Variants in MYH15 observed in about 807,000 individuals in gnomAD.
MYH15 encodes myosin-15.
Under a neutral mutation model 240.5 loss-of-function variants are expected in MYH15, and 227 were observed. That is an observed-to-expected ratio of 0.94 (90% CI 0.85 to 1.05). The LOEUF (loss-of-function observed/expected upper bound fraction) is 1.05, where lower values mean the gene tolerates loss of function less well. MYH15 is among the 50% of genes least tolerant of loss of function. MYH15 has a pLI of 0.00. For missense variants in MYH15, 2,217 were observed against 2,247.5 expected (o/e 0.99, Z 0.27); for synonymous variants, 785 against 796.7 (o/e 0.99, Z 0.25).
intron 11 of MYH15, among the ~76,000 whole-genome samples, chr3:108,480,297 G>A (rs1219145853): frequency 6.6e-6 from 1 of 152,158 alleles, no homozygotes; most frequent in Non-Finnish European, 1.5e-5. Context: ...TGAACAGCAC[G>A]ACTTGAAGCC....
At chr3:108,462,831 A>G (rs1456323984) in intron 16 of MYH15, among the ~76,000 whole-genome samples, 1 of 152,100 alleles carries the variant, frequency 6.6e-6, no homozygotes, top group Non-Finnish European at 1.5e-5. Flanking sequence ...TTGCCCCAAA[A>G]TCATTCATCA....
chr3:108,444,269 A>G (rs1442306266), intron 22 of MYH15, among the ~76,000 whole-genome samples: 1 of 152,164 alleles, frequency 6.6e-6, no homozygotes, highest in Non-Finnish European at 1.5e-5. Flanking sequence ...AGCACACTGC[A>G]GCATTCCTGA....
At chr3:108,449,571 A>G (rs1336703099) in intron 21 of MYH15, among the ~76,000 whole-genome samples, 1 of 152,092 alleles carries the variant, frequency 6.6e-6, no homozygotes, top group African/African-American at 2.4e-5. Context: ...CACACCATAT[A>G]CAAATATGAA....
In MYH15 at chr3:108,416,901, C is replaced by T; in HGVS notation, c.3859G>A (p.Glu1287Lys). Residue 1287 changes from glutamate to lysine, a missense_variant, in exon 29 of 41, where the codon GAG becomes AAG. Coordinates refer to ENST00000693548, the MANE Select transcript of MYH15 (RefSeq NM_014981.3). ...CTGGAAAGTTGGTTTATCAGAGCCTCCTTCTCTTCAAGCCTCCGTAGGAAC... is the reference window on the plus strand; with the variant it reads ...CTGGAAAGTTGGTTTATCAGAGCCTTCTTCTCTTCAAGCCTCCGTAGGAAC... Reference protein sequence around the residue: ...GEFLRRLEEKEALINQLSREK... With the variant: ...GEFLRRLEEKKALINQLSREK... 6.2e-7 allele frequency: 1 copy of T among 1,613,990 alleles called. No homozygotes were observed. The highest frequency in any genetic ancestry group is 8.5e-7 in the Non-Finnish European group (1 of 1,179,906).
At chr3:108,460,223 T>A (rs1314079406) in intron 17 of MYH15, 77 bp downstream of exon 17, 16 of 1,229,784 alleles carry the variant, frequency 1.3e-5, no homozygotes, top group South Asian at 1.5e-5. Flanking sequence ...TATTTGAAGA[T>A]GTGAAATGTC....
At chr3:108,421,297 C>G (rs2082682032) in intron 27 of MYH15, 83 bp from the exon 28 acceptor site, 1 of 1,501,596 alleles carries the variant, frequency 6.7e-7, no homozygotes, top group African/African-American at 1.4e-5. Flanking sequence ...GGAGGAGTGG[C>G]TCCAGGGATC....
intron 27 of MYH15, 109 bp from the exon 28 acceptor site, chr3:108,421,323 G>A (rs1302707350): frequency 2.4e-6 from 3 of 1,242,942 alleles, no homozygotes; most frequent in Non-Finnish European, 3.4e-6. Flanking sequence ...GCTCTCTTCT[G>A]TAGTAAAGAG....
intron 1 of MYH15, chr3:108,529,179 C>A: frequency 1.5e-6 from 2 of 1,330,272 alleles, no homozygotes; most frequent in Admixed American, 1.9e-5. Context: ...TTAAGACCAT[C>A]AAGAATAAAA....
intron 31 of MYH15, 44 bp downstream of exon 31, chr3:108,410,539 G>T: frequency 7.0e-7 from 1 of 1,432,542 alleles, no homozygotes; most frequent in South Asian, 1.4e-5. Context: ...GGCTCTTCCT[G>T]AGCTACCCGC....
chr3:108,472,525 G>A (rs1433948069), intron 12 of MYH15, among the ~76,000 whole-genome samples: 2 of 152,150 alleles, frequency 1.3e-5, no homozygotes, highest in South Asian at 2.1e-4. Flanking sequence ...GAGCACACAC[G>A]TACAAATAAA....
intron 28 of MYH15, among the ~76,000 whole-genome samples, chr3:108,420,184 C>G (rs927063366): frequency 1.3e-5 from 2 of 152,114 alleles, no homozygotes; most frequent in African/African-American, 4.8e-5. Flanking sequence ...GGACATTTTT[C>G]TACTTTTAAT....
intron 7 of MYH15, 89 bp from the exon 8 acceptor site, chr3:108,493,266 C>A: frequency 1.2e-6 from 1 of 859,036 alleles, no homozygotes; most frequent in Non-Finnish European, 1.9e-6. Flanking sequence ...TTATATGTAA[C>A]TCTCAAAAGG....
intron 28 of MYH15, among the ~76,000 whole-genome samples, chr3:108,418,542 T>C (rs149659444): frequency 1.4e-3 from 212 of 152,224 alleles, no homozygotes; most frequent in African/African-American, 4.8e-3. Context: ...TATACTAAAA[T>C]AGCTTCAACC....
intron 32 of MYH15, among the ~76,000 whole-genome samples, chr3:108,406,187 A>G (rs1410763402): frequency 2.1e-5 from 3 of 144,368 alleles, no homozygotes; most frequent in Non-Finnish European, 4.7e-5. Flanking sequence ...AAATGTATAT[A>G]AAAGAAGAAA....
chr3:108,491,602 C>A (rs1560423828), intron 9 of MYH15, among the ~76,000 whole-genome samples: 1 of 152,072 alleles, frequency 6.6e-6, no homozygotes. Flanking sequence ...CATTTGCAAT[C>A]CCTTCCATCC....
chr3:108,541,123 C>A, the MYH15 span, among the ~76,000 whole-genome samples: 1 of 151,748 alleles, frequency 6.6e-6, no homozygotes, highest in Non-Finnish European at 1.5e-5. Flanking sequence ...TCAATTCTTC[C>A]TAATCTAAAA....
the MYH15 span, among the ~76,000 whole-genome samples, chr3:108,540,781 G>A: frequency 5.9e-5 from 9 of 151,896 alleles, no homozygotes; most frequent in Non-Finnish European, 1.2e-4. Context: ...AAAATGATCT[G>A]GATAAGAGAA....
intron 32 of MYH15, 72 bp from the exon 33 acceptor site, chr3:108,405,525 T>C: frequency 1.0e-6 from 1 of 960,374 alleles, no homozygotes; most frequent in Non-Finnish European, 1.5e-6. Flanking sequence ...ACCCAAAACA[T>C]ATGTCGCTAA....
chr3:108,428,549 G>C lies in MYH15; in HGVS notation c.3645C>G (p.Asp1215Glu). 1 of 1,614,096 alleles carries C rather than the reference G, an allele frequency of 6.2e-7. No individual in the cohort carries two copies. Among genetic ancestry groups the C allele is most frequent in the Non-Finnish European group, 8.5e-7 (1 of 1,180,036 alleles). Residue 1215 changes from aspartate to glutamate, a missense_variant, in exon 27 of 41, where the codon GAC (aspartate) becomes GAG (glutamate). Asp to Glu is a conservative substitution (Grantham distance 45, BLOSUM62 2). Coordinates refer to ENST00000693548, the MANE Select transcript of MYH15 (RefSeq NM_014981.3). ...GGAGGTCATCTACTTCTAGCTGCAA[G>C]TCACTCTTGTCTTTTTCCAGTTTCT... ...VKQKLEKDKS[D>E]LQLEVDDLLT...
Sources: allele counts gnomAD v4.1 joint callset (sites outside exome capture counted in the v4.1 genomes callset), GRCh38; gene constraint gnomAD v4.1.1; transcripts MANE v1.5; gene names NCBI Gene and HGNC (gene_info 2026-07-23, HGNC 2026-07-21).